RAB31: variants seen among roughly 807,000 people sequenced by gnomAD.
RAB31 encodes the protein ras-related protein Rab-31.
Under a neutral mutation model 25.6 loss-of-function variants are expected in RAB31, and 21 were observed. The ratio of observed to expected loss-of-function variants is 0.82; its 90% confidence interval spans 0.58 to 1.18. RAB31 has a LOEUF of 1.18. Ranked by LOEUF, RAB31 falls within the 50% of genes most tolerant of loss-of-function variation. The probability of loss-of-function intolerance (pLI) is 0.00; values close to 1 mark genes in which losing one functional copy is unlikely to be tolerated. For missense variants in RAB31, 196 were observed against 250.1 expected (o/e 0.78, Z 1.46); for synonymous variants, 87 against 84.0 (o/e 1.04, Z -0.20).
chr18:9,822,380 T>G (rs1401361649), intron 5 of RAB31, among the ~76,000 whole-genome samples: 2 of 152,044 alleles, frequency 1.3e-5, no homozygotes, highest in Non-Finnish European at 2.9e-5. Context: ...GAAAATAAAT[T>G]TAAAGATCTG....
chr18:9,725,481 G>C (rs1160823788), intron 1 of RAB31, among the ~76,000 whole-genome samples: 2 of 152,188 alleles, frequency 1.3e-5, no homozygotes, highest in Non-Finnish European at 2.9e-5. Flanking sequence ...AATAAAGGAT[G>C]CTTCGAGCAA....
At position 9,805,711 on chromosome 18, in the gene RAB31, G is replaced by A. The variant is rs549143793; in HGVS notation, c.202-8309G>A. On this transcript the variant is annotated intron_variant, in intron 3 of 6. Transcript: ENST00000578921. Reference sequence around the variant, plus strand: ...GAACAGTGCCTGCCACATACTGAGCGTTCAAACAGTGAGATACTGTTTGTT... The same window carrying A: ...GAACAGTGCCTGCCACATACTGAGCATTCAAACAGTGAGATACTGTTTGTT... 1.3e-3 allele frequency among the ~76,000 whole-genome samples: 204 copies of A among 152,314 alleles called. 2 individuals carry two copies. The highest frequency in any genetic ancestry group is 4.0e-3 in the African/African-American group (168 of 41,576).
chr18:9,852,903 G>A (rs1054407672), intron 6 of RAB31, among the ~76,000 whole-genome samples: 16 of 152,020 alleles, frequency 1.1e-4, no homozygotes, highest in East Asian at 3.9e-4. Flanking sequence ...TGGTACCGTC[G>A]GTTTGTAAAA....
intron 1 of RAB31, among the ~76,000 whole-genome samples, chr18:9,754,820 A>G (rs554582116): frequency 6.6e-6 from 1 of 152,228 alleles, no homozygotes; most frequent in Non-Finnish European, 1.5e-5. Context: ...AACTGTATGT[A>G]CTGTTGAATC....
chr18:9,810,845 T>C (rs1028712532), intron 3 of RAB31, among the ~76,000 whole-genome samples: 1 of 152,118 alleles, frequency 6.6e-6, no homozygotes, highest in Non-Finnish European at 1.5e-5. Flanking sequence ...GAACCACTCT[T>C]ATATGGAGGC....
chr18:9,783,166 G>C (rs942974275), intron 2 of RAB31, among the ~76,000 whole-genome samples: 1 of 152,170 alleles, frequency 6.6e-6, no homozygotes, highest in East Asian at 1.9e-4. Context: ...GGGGAATTTC[G>C]CAGGTATCCA....
chr18:9,714,929 A>G (rs2068036447), intron 1 of RAB31, among the ~76,000 whole-genome samples: 1 of 152,198 alleles, frequency 6.6e-6, no homozygotes. Context: ...CCCGCTTAGT[A>G]GACTTGACGG....
intron 2 of RAB31, among the ~76,000 whole-genome samples, chr18:9,781,235 A>C (rs950797173): frequency 2.6e-5 from 4 of 152,182 alleles, no homozygotes; most frequent in African/African-American, 9.7e-5. Flanking sequence ...TCTAACTTCA[A>C]ATGTTCGCAT....
At chr18:9,762,362 G>A (rs2068293604) in intron 1 of RAB31, among the ~76,000 whole-genome samples, 1 of 152,178 alleles carries the variant, frequency 6.6e-6, no homozygotes, top group Non-Finnish European at 1.5e-5. Context: ...AAAATCCAAA[G>A]TTTGGAGCGT....
rs751658227 is a variant in RAB31, at chr18:9,766,694, C to T, written c.40-8584C>T. ...CATGTGGCTGGGCGCATGGCTCACA[C>T]CGGTAATCTCAGCACTTTGGGAGGC... On this transcript the variant is annotated intron_variant, in intron 1 of 6. Transcript: ENST00000578921. The surrounding 1 kb of genome is among the most constrained non-coding windows in gnomAD (Gnocchi z 4.3). Among the ~76,000 whole-genome samples, 42 of 152,286 alleles carry T rather than the reference C, an allele frequency of 2.8e-4. No homozygotes were observed. Among genetic ancestry groups the T allele is most frequent in the Non-Finnish European group, 4.6e-4 (31 of 68,022 alleles).
intron 3 of RAB31, among the ~76,000 whole-genome samples, chr18:9,805,974 A>G (rs1159996369): frequency 4.6e-5 from 7 of 151,982 alleles, no homozygotes; most frequent in African/African-American, 1.5e-4. Flanking sequence ...GGAGATCGGG[A>G]CCATCCTGGC....
At chr18:9,709,124 C>T (rs1016421164) in intron 1 of RAB31, among the ~76,000 whole-genome samples, 12 of 152,158 alleles carry the variant, frequency 7.9e-5, no homozygotes, top group Admixed American at 2.0e-4. Context: ...TCCTCCCCAC[C>T]ATCACTCCCC....
At chr18:9,828,604 A>G (rs916356493) in intron 5 of RAB31, among the ~76,000 whole-genome samples, 1 of 152,234 alleles carries the variant, frequency 6.6e-6, no homozygotes, top group Admixed American at 6.5e-5. Flanking sequence ...CAGATTAAAA[A>G]TATATTTGGA....
Position 9,708,481 on chromosome 18 carries a change from C to T in RAB31, c.39+37C>T, listed in dbSNP as rs772604368. The T allele has an allele frequency of 5.2e-6, 8 of 1,535,470 alleles. No homozygotes were observed. Among genetic ancestry groups the T allele is most frequent in the Middle Eastern group, 3.5e-4 (2 of 5,764 alleles). The stretch of plus-strand genomic sequence containing the variant: ...CCGCCACCCGCCGGCGGACCCCGGC[C>T]CGCGCTCTCGCGCCCCTTCGCTCCC... On this transcript the variant is annotated intron_variant, in intron 1 of 6. Coordinates refer to ENST00000578921, the MANE Select transcript of RAB31 (RefSeq NM_006868.4). This position sits in a 1 kb window ranked among gnomAD's most constrained non-coding sequence, Gnocchi z 6.4.
At chr18:9,717,242 G>C (rs1287728600) in intron 1 of RAB31, among the ~76,000 whole-genome samples, 1 of 152,092 alleles carries the variant, frequency 6.6e-6, no homozygotes, top group East Asian at 1.9e-4. Context: ...GTTTTTCACT[G>C]TGGGATCTTT....
At chr18:9,719,725 C>A (rs1317004957) in intron 1 of RAB31, among the ~76,000 whole-genome samples, 3 of 151,998 alleles carry the variant, frequency 2.0e-5, no homozygotes, top group Non-Finnish European at 4.4e-5. Flanking sequence ...CATTTTCTTC[C>A]ATCATTTTAA....
At chr18:9,727,601 C>T (rs999517916) in intron 1 of RAB31, among the ~76,000 whole-genome samples, 8 of 152,218 alleles carry the variant, frequency 5.3e-5, no homozygotes, top group Non-Finnish European at 7.3e-5. Flanking sequence ...TAGGCATGAA[C>T]CACTGTGTCC....
At chr18:9,828,902 C>T (rs1468500035) in intron 5 of RAB31, among the ~76,000 whole-genome samples, 1 of 152,130 alleles carries the variant, frequency 6.6e-6, no homozygotes, top group Admixed American at 6.5e-5. Flanking sequence ...AGAATAGAGT[C>T]TGTGCTGTTA....
intron 1 of RAB31, among the ~76,000 whole-genome samples, chr18:9,715,106 C>T (rs1568160027): frequency 6.6e-6 from 1 of 151,990 alleles, no homozygotes; most frequent in Non-Finnish European, 1.5e-5. Context: ...CACAGGAACA[C>T]GGCCCTTGCT....
Sources: allele counts gnomAD v4.1 joint callset (sites outside exome capture counted in the v4.1 genomes callset), GRCh38; gene constraint gnomAD v4.1.1; non-coding constraint Gnocchi (gnomAD v3.1); transcripts MANE v1.5; gene names NCBI Gene and HGNC (gene_info 2026-07-23, HGNC 2026-07-21).